Variants in GALNT17 observed in about 807,000 individuals in gnomAD.
GALNT17 encodes the protein polypeptide N-acetylgalactosaminyltransferase 17, also known as UDP-GalNAc:polypeptide N-acetylgalactosaminyltransferase-like 3.
GALNT17 carries 29 observed loss-of-function variants against 63.7 expected under a neutral mutation model. The observed-to-expected ratio is 0.46, with a 90% CI of 0.34 to 0.62. GALNT17 has a LOEUF of 0.62. Ranked by LOEUF, GALNT17 falls within the 20% of genes least tolerant of loss-of-function variation. The probability of loss-of-function intolerance (pLI) is 0.01; values close to 1 mark genes in which losing one functional copy is unlikely to be tolerated. For synonymous variants in GALNT17, 305 were observed against 318.3 expected, an observed-to-expected ratio of 0.96 and a Z score of 0.45; for missense variants, 603 against 799.6, an observed-to-expected ratio of 0.75 and a Z score of 2.97.
At chr7:71,249,041 T>A (rs545928947) in intron 1 of GALNT17, among the ~76,000 whole-genome samples, 19 of 152,344 alleles carry the variant, frequency 1.2e-4, no homozygotes, top group Non-Finnish European at 2.8e-4. Flanking sequence ...GTAATCACCA[T>A]TGTCATTATA....
At chr7:71,538,629 C>T (rs935412763) in intron 5 of GALNT17, among the ~76,000 whole-genome samples, 4 of 152,146 alleles carry the variant, frequency 2.6e-5, no homozygotes, top group African/African-American at 9.7e-5. Context: ...TATCAACCTC[C>T]CTTTTTTTGG....
At chr7:71,663,623 C>A (rs1422319008) in intron 6 of GALNT17, among the ~76,000 whole-genome samples, 2 of 152,188 alleles carry the variant, frequency 1.3e-5, no homozygotes, top group Non-Finnish European at 2.9e-5. Flanking sequence ...CTGGAAGAAG[C>A]AAGCAAAGTG....
At chr7:71,319,126 T>TTTCTTTCTTTCTTTCTTTCTTTCTTTC (rs1791558524) in intron 1 of GALNT17, among the ~76,000 whole-genome samples, 4 of 32,720 alleles carry the variant, frequency 1.2e-4, no homozygotes, top group Non-Finnish European at 2.9e-4. Context: ...TTCTTTCTTT[T>TTTCTTTCTTTCTTTCTTTCTTTCTTTC]TTTTGTTCTG....
intron 1 of GALNT17, among the ~76,000 whole-genome samples, chr7:71,192,613 C>T (rs1353608990): frequency 2.0e-5 from 3 of 152,074 alleles, no homozygotes; most frequent in South Asian, 2.1e-4. Context: ...CCAGGCTGGT[C>T]TTGAACTCCT....
intron 6 of GALNT17, among the ~76,000 whole-genome samples, chr7:71,631,455 A>G (rs1321910341): frequency 2.0e-5 from 3 of 152,164 alleles, no homozygotes; most frequent in Middle Eastern, 3.4e-3. Context: ...CTCCCAAAGC[A>G]CTGGGATTAG....
At chr7:71,454,135 C>T (rs933919783) in intron 5 of GALNT17, among the ~76,000 whole-genome samples, 1 of 152,120 alleles carries the variant, frequency 6.6e-6, no homozygotes, top group African/African-American at 2.4e-5. Context: ...GGTACATGTG[C>T]AGGTTTGTTA....
At chr7:71,137,597 G>A (rs186427192) in intron 1 of GALNT17, among the ~76,000 whole-genome samples, 1 of 152,250 alleles carries the variant, frequency 6.6e-6, no homozygotes, top group African/African-American at 2.4e-5. Context: ...GTAAAGTCTG[G>A]GTTGTGTTGG....
chr7:71,229,857 G>A (rs1433645682), intron 1 of GALNT17, among the ~76,000 whole-genome samples: 3 of 152,206 alleles, frequency 2.0e-5, no homozygotes, highest in East Asian at 1.9e-4. Context: ...GGTCACCTCC[G>A]TGGCCGGAAG....
rs1043491177 is a variant in GALNT17, at chr7:71,329,905, ATATATATATG to A, written c.239-5641_239-5632del. 1.2e-3 allele frequency among the ~76,000 whole-genome samples: 154 copies of A among 132,420 alleles called. 2 individuals are homozygous for A. The South Asian group carries it at 0.02, about 17-fold the overall frequency. 86.9% of individuals were successfully genotyped at this position (132,420 alleles called of 152,430 possible). On this transcript the variant is annotated intron_variant, in intron 1 of 10. Transcript: ENST00000333538. ...GTGTCCTCCAAGAATATATATATGT[ATATATATATG>A]TATGTGTGTGTGTGTGTATATATAT...
chr7:71,656,100 T>C (rs1000228506), intron 6 of GALNT17, among the ~76,000 whole-genome samples: 2 of 152,162 alleles, frequency 1.3e-5, no homozygotes, highest in Non-Finnish European at 2.9e-5. Flanking sequence ...TCAGAACTCT[T>C]TGGGTACTTA....
intron 2 of GALNT17, among the ~76,000 whole-genome samples, chr7:71,376,996 G>A (rs1792741500): frequency 6.7e-6 from 1 of 148,652 alleles, no homozygotes; most frequent in Admixed American, 6.8e-5. Context: ...TGGGACAGGA[G>A]AATCACTTGA....
At chr7:71,409,134 C>G (rs1793386080) in intron 3 of GALNT17, among the ~76,000 whole-genome samples, 1 of 151,514 alleles carries the variant, frequency 6.6e-6, no homozygotes, top group Non-Finnish European at 1.5e-5. Context: ...AAGTCACTTC[C>G]AAGGGGTTCA....
chr7:71,619,981 G>A (rs556368705), intron 6 of GALNT17, among the ~76,000 whole-genome samples: 23 of 152,228 alleles, frequency 1.5e-4, no homozygotes, highest in African/African-American at 4.6e-4. Flanking sequence ...CTTGTCTTTC[G>A]AGGGTGTTTA....
At chr7:71,324,583 A>G (rs1037516570) in intron 1 of GALNT17, among the ~76,000 whole-genome samples, 2 of 152,294 alleles carry the variant, frequency 1.3e-5, no homozygotes, top group South Asian at 2.1e-4. Flanking sequence ...GTTTGAACCC[A>G]GGAGGTGGAG....
chr7:71,628,439 C>G (rs1263606246), intron 6 of GALNT17, among the ~76,000 whole-genome samples: 1 of 152,076 alleles, frequency 6.6e-6, no homozygotes, highest in African/African-American at 2.4e-5. Flanking sequence ...TATCCTGCCC[C>G]AGCCTCCCGA....
chr7:71,356,658 C>T (rs989162635), intron 2 of GALNT17, among the ~76,000 whole-genome samples: 2 of 152,148 alleles, frequency 1.3e-5, no homozygotes, highest in African/African-American at 4.8e-5. Context: ...AGCTCCAAGG[C>T]GTTCATGAGC....
chr7:71,161,389 A>G (rs1269268478), intron 1 of GALNT17, among the ~76,000 whole-genome samples: 1 of 152,182 alleles, frequency 6.6e-6, no homozygotes, highest in Non-Finnish European at 1.5e-5. Context: ...TTATCTGTTA[A>G]AAACCATTTA....
intron 2 of GALNT17, among the ~76,000 whole-genome samples, chr7:71,342,612 G>A (rs1792025359): frequency 6.6e-6 from 1 of 152,142 alleles, no homozygotes; most frequent in Non-Finnish European, 1.5e-5. Context: ...GCAATATATT[G>A]TAGTCATAAA....
intron 1 of GALNT17, among the ~76,000 whole-genome samples, chr7:71,237,511 GA>G (rs369921098): frequency 0.18 from 14,212 of 78,064 alleles, 637 homozygotes; most frequent in African/African-American, 0.22. Context: ...TCCCATCTCT[GA>G]AAAAAAAAAA....
Sources: gnomAD v4.1 joint callset for allele counts (sites outside exome capture counted in the v4.1 genomes callset) on GRCh38, gnomAD v4.1.1 for gene constraint, MANE v1.5 for transcripts, NCBI Gene and HGNC (gene_info 2026-07-23, HGNC 2026-07-21) for gene names.